The following ANKRD40 variants were observed in gnomAD, a reference collection of about 807,000 sequenced individuals.
ANKRD40 encodes the protein ankyrin repeat domain-containing protein 40.
A neutral mutation model predicts 35.5 loss-of-function variants in ANKRD40; 24 were observed. The ratio of observed to expected loss-of-function variants is 0.68; its 90% CI spans 0.49 to 0.95. The LOEUF (loss-of-function observed/expected upper bound fraction) is 0.95, where lower values mean the gene tolerates loss of function less well. ANKRD40 is among the 40% of genes least tolerant of loss of function. The probability of loss-of-function intolerance (pLI) is 0.00; values close to 1 mark genes in which losing one functional copy is unlikely to be tolerated. For synonymous variants in ANKRD40, 147 were observed against 173.5 expected (o/e 0.85, Z 1.20); for missense variants, 361 against 436.0 (o/e 0.83, Z 1.53).
At position 50,695,937 on chromosome 17, in the gene ANKRD40, T is replaced by A; in HGVS notation, c.*60A>T. The A allele has an allele frequency of 6.3e-7, 1 of 1,589,068 alleles. No homozygotes were observed. The highest frequency in any genetic ancestry group is 8.6e-7 in the Non-Finnish European group (1 of 1,164,526). On this transcript the variant is annotated 3_prime_UTR_variant, in exon 5 of 5. Transcript: ENST00000285243. ...CTGAGGCATTTAGATCAATGGCTTG[T>A]CCTTGGCCCAGAGGTGATGCACACT... is the stretch of plus-strand genomic sequence containing the variant.
At position 50,706,903 on chromosome 17, in the gene ANKRD40, C is replaced by CAAAAAAAAAAA. The variant is rs35024672; in HGVS notation, c.134+607_134+617dup. Among the ~76,000 whole-genome samples the CAAAAAAAAAAA allele has an allele frequency of 5.8e-4, 22 of 37,984 alleles. 1 individual carries two copies. Among genetic ancestry groups the CAAAAAAAAAAA allele is most frequent in the East Asian group, 2.3e-3 (2 of 866 alleles). 24.9% of individuals were successfully genotyped at this position (37,984 alleles called of 152,430 possible). A position where few individuals can be genotyped will look rare whatever the true frequency, so the allele number is the denominator to read the frequency against. On this transcript the variant is annotated intron_variant, in intron 1 of 4. Transcript: ENST00000285243. ...TGGGCGACAGGGCAAGACCCTGTCT[C>CAAAAAAAAAAA]AAAAAAAAAAAAAAAAAAAAAAAAA... is the stretch of plus-strand genomic sequence containing the variant.
At chr17:50,702,532 C>T (rs1968284179) in intron 1 of ANKRD40, among the ~76,000 whole-genome samples, 1 of 152,070 alleles carries the variant, frequency 6.6e-6, no homozygotes, top group Non-Finnish European at 1.5e-5. Flanking sequence ...GTCTGTGGCA[C>T]AGGCTTAAAA....
chr17:50,697,253 T>A, intron 3 of ANKRD40, 132 bp from the exon 4 acceptor site: 1 of 900,378 alleles, frequency 1.1e-6, no homozygotes, highest in Non-Finnish European at 1.6e-6. Context: ...ACCTGTTTGG[T>A]GGGAAAACCA....
At chr17:50,696,504 C>T in intron 4 of ANKRD40, 1 of 234,994 alleles carries the variant, frequency 4.3e-6, no homozygotes, top group Non-Finnish European at 8.3e-6. Context: ...TGAACTTGGT[C>T]CTTCACTTGT....
chr17:50,703,599 T>A (rs1224274838), intron 1 of ANKRD40, among the ~76,000 whole-genome samples: 1 of 151,636 alleles, frequency 6.6e-6, no homozygotes, highest in East Asian at 1.9e-4. Context: ...TTTAAGAGAG[T>A]GGGAAGACAA....
intron 1 of ANKRD40, 84 bp from the exon 2 acceptor site, chr17:50,700,800 C>T: frequency 2.2e-6 from 3 of 1,349,422 alleles, no homozygotes; most frequent in Admixed American, 2.2e-5. Context: ...AATGTATAAA[C>T]AAGCCTGTTA....
rs1968191137 is a variant in ANKRD40 at position 50,695,636 on chromosome 17, T to C, written c.*361A>G. ...ACGCATCCCAGCCCTTCAGGTGCACTGTCAACAGGAGTGGCTAGAAATAGG... is the reference window on the plus strand; with the variant it reads ...ACGCATCCCAGCCCTTCAGGTGCACCGTCAACAGGAGTGGCTAGAAATAGG... On this transcript the variant is annotated 3_prime_UTR_variant, in exon 5 of 5. Transcript: ENST00000285243. The C allele has an allele frequency of 1.2e-5, 2 of 167,878 alleles. No homozygotes were observed. The highest frequency in any genetic ancestry group is 4.8e-5 in the African/African-American group (2 of 42,044). 10.4% of individuals were successfully genotyped at this position (167,878 alleles called of 1,614,324 possible). A position where few individuals can be genotyped will look rare whatever the true frequency, so the allele number is the denominator to read the frequency against.
In ANKRD40 at chr17:50,707,455, C is replaced by T; in HGVS notation, c.134+66G>A. On this transcript the variant is annotated intron_variant, in intron 1 of 4. Transcript: ENST00000285243. The surrounding 1 kb of genome is among the most constrained non-coding windows in gnomAD (Gnocchi z 4.8). ...GGCGTCCCGCGCTGGGCCCAGGTCG[C>T]GACTGACTGCCCCACGCCTTCCGAC... is the stretch of plus-strand genomic sequence containing the variant. 9 of 1,561,180 alleles carry T rather than the reference C, an allele frequency of 5.8e-6. No individual in the cohort carries two copies. The highest frequency in any genetic ancestry group is 1.1e-5 in the South Asian group (1 of 87,482).
intron 1 of ANKRD40, among the ~76,000 whole-genome samples, chr17:50,703,276 G>A (rs1968290902): frequency 6.6e-6 from 1 of 152,126 alleles, no homozygotes; most frequent in Non-Finnish European, 1.5e-5. Context: ...TGTTCTAAAG[G>A]CATTACATGT....
chr17:50,699,794 G>C lies in ANKRD40; in HGVS notation c.383C>G (p.Ala128Gly), dbSNP rs1476051044. 1 of 1,588,066 alleles carries C rather than the reference G, an allele frequency of 6.3e-7. No individual in the cohort carries two copies. Among genetic ancestry groups the C allele is most frequent in the Non-Finnish European group, 8.6e-7 (1 of 1,165,652 alleles). The change falls in exon 3 of 5, where the codon GCC (alanine) becomes GGC (glycine). Residue 128 changes from alanine to glycine, a missense_variant. Physicochemically the swap from Ala to Gly is moderately conservative, Grantham distance 60. Around this residue, in one of 5 missense-constraint regions of ANKRD40, gnomAD observed 172 missense variants for 174.0 expected, o/e 0.99. Coordinates refer to ENST00000285243, the MANE Select transcript of ANKRD40 (RefSeq NM_052855.4). ...PFVPNYLANP[A>G]FPFIYTPTAE... Reference sequence around the variant, plus strand: ...TGTGGGTGTATAGATAAAAGGGAAGGCTGGGTTGGCCAAATAGTTGGGAAC... The same window carrying C: ...TGTGGGTGTATAGATAAAAGGGAAGCCTGGGTTGGCCAAATAGTTGGGAAC...
In ANKRD40 at chr17:50,699,678, C is replaced by G; in HGVS notation, c.499G>C (p.Gly167Arg). The G allele has an allele frequency of 6.2e-7, 1 of 1,614,092 alleles. No individual in the cohort carries two copies. The highest frequency in any genetic ancestry group is 8.5e-7 in the Non-Finnish European group (1 of 1,180,004). The change falls in exon 3 of 5, where the codon GGG (glycine) becomes CGG (arginine). Residue 167 changes from glycine to arginine, a missense_variant. Physicochemically the swap from Gly to Arg is moderately radical, Grantham distance 125. Coordinates refer to ENST00000285243, the MANE Select transcript of ANKRD40 (RefSeq NM_052855.4). ...ADGSPPLLPP[G>R]EPPLLGTFPR... is the part of the protein sequence containing the mutation. Reference sequence around the variant, plus strand: ...AAGGTCCCTAACAGGGGAGGTTCCCCAGGGGGAAGCAATGGAGGTGAGCCA... The same window carrying G: ...AAGGTCCCTAACAGGGGAGGTTCCCGAGGGGGAAGCAATGGAGGTGAGCCA...
rs2146654576 is a variant in ANKRD40, at chr17:50,695,083, AGT to A, written c.*912_*913del. The A allele has an allele frequency of 6.6e-6, 1 of 152,122 alleles. No individual in the cohort carries two copies. The highest frequency in any genetic ancestry group is 1.9e-4 in the East Asian group (1 of 5,166). 9.4% of individuals were successfully genotyped at this position (152,122 alleles called of 1,614,324 possible). A position where few individuals can be genotyped will look rare whatever the true frequency, so the allele number is the denominator to read the frequency against. On this transcript the variant is annotated 3_prime_UTR_variant, in exon 5 of 5. Transcript: ENST00000285243. Reference sequence around the variant, plus strand: ...TGGAATCACTTCAGAGTAAAAAAAAAGTGGGCTGGGTGCAGTGGCTCACACCT... The same window carrying A: ...TGGAATCACTTCAGAGTAAAAAAAAAGGGCTGGGTGCAGTGGCTCACACCT...
At chr17:50,697,479 G>A (rs1597866724) in intron 3 of ANKRD40, among the ~76,000 whole-genome samples, 1 of 152,324 alleles carries the variant, frequency 6.6e-6, no homozygotes, top group Non-Finnish European at 1.5e-5. Flanking sequence ...CATGAACAGG[G>A]GAAGAGGGAA....
intron 3 of ANKRD40, 78 bp downstream of exon 3, chr17:50,699,321 C>T: frequency 1.3e-6 from 2 of 1,525,256 alleles, no homozygotes; most frequent in South Asian, 1.3e-5. Flanking sequence ...GCAATTATAC[C>T]CAGAATACCT....
chr17:50,706,267 ATG>A (rs1289676852), intron 1 of ANKRD40, among the ~76,000 whole-genome samples: 1 of 151,430 alleles, frequency 6.6e-6, no homozygotes. Context: ...GACTACAGGC[ATG>A]CACCACCACG....
chr17:50,701,660 G>A (rs981704017), intron 1 of ANKRD40, among the ~76,000 whole-genome samples: 1 of 152,120 alleles, frequency 6.6e-6, no homozygotes, highest in African/African-American at 2.4e-5. Flanking sequence ...AATACTTTTC[G>A]CCTGTGTTTT....
Position 50,699,783 on chromosome 17 carries a change from T to C in ANKRD40, c.394A>G (p.Ile132Val). The change falls in exon 3 of 5, where the codon ATC becomes GTC. Residue 132 changes from isoleucine to valine, a missense_variant. This residue lies in a region of ANKRD40 where 172 missense variants were observed against 174.0 expected (regional missense o/e 0.99). Transcript: ENST00000285243. ...GAATCCTCTGCTGTGGGTGTATAGA[T>C]AAAAGGGAAGGCTGGGTTGGCCAAA... ...NYLANPAFPFIYTPTAEDSAQ... is the reference protein window; with the variant it reads ...NYLANPAFPFVYTPTAEDSAQ... The C allele has an allele frequency of 1.9e-6, 3 of 1,598,728 alleles. No individual in the cohort carries two copies. Among genetic ancestry groups the C allele is most frequent in the South Asian group, 2.2e-5 (2 of 89,488 alleles).
intron 4 of ANKRD40, among the ~76,000 whole-genome samples, chr17:50,696,398 A>G (rs975343045): frequency 6.6e-5 from 10 of 152,224 alleles, no homozygotes; most frequent in Admixed American, 2.6e-4. Context: ...TGCACAGATC[A>G]GTTTCCCAGG....
At position 50,700,299 on chromosome 17, in the gene ANKRD40, G is replaced by A. The variant is rs1242274027; in HGVS notation, c.283+269C>T. The stretch of plus-strand genomic sequence containing the variant: ...TCTCTACTAAAAATACAAAATTAGC[G>A]AGACGTGGTGGCACATGCCTGTAAT... On this transcript the variant is annotated intron_variant, in intron 2 of 4. Coordinates refer to ENST00000285243, the MANE Select transcript of ANKRD40 (RefSeq NM_052855.4). The A allele has an allele frequency of 3.9e-5, 12 of 306,346 alleles. No individual in the cohort carries two copies. In the East Asian group the frequency reaches 4.8e-4, roughly 12 times the overall value. 19.0% of individuals were successfully genotyped at this position (306,346 alleles called of 1,614,324 possible).
Sources: gnomAD v4.1 joint callset for allele counts (sites outside exome capture counted in the v4.1 genomes callset) on GRCh38, gnomAD v4.1.1 for gene constraint, gnomAD v4.1.1 regional missense constraint, Gnocchi (gnomAD v3.1) non-coding constraint, MANE v1.5 for transcripts, NCBI Gene and HGNC (gene_info 2026-07-23, HGNC 2026-07-21) for gene names.